The following APMAP variants were observed in gnomAD, a reference collection of about 807,000 sequenced individuals.
APMAP encodes the protein adipocyte plasma membrane-associated protein.
A neutral mutation model predicts 43.6 loss-of-function variants in APMAP; 33 were observed. That is an observed-to-expected ratio of 0.76 (90% confidence interval 0.57 to 1.01). The LOEUF (loss-of-function observed/expected upper bound fraction) is 1.01, where lower values mean the gene tolerates loss of function less well. APMAP is among the 50% of genes least tolerant of loss of function. APMAP has a pLI of 0.00. For synonymous variants in APMAP, 224 were observed against 216.7 expected (o/e 1.03, Z -0.30); for missense variants, 498 against 540.7 (o/e 0.92, Z 0.78).
intron 3 of APMAP, 149 bp downstream of exon 3, chr20:24,978,618 T>C: frequency 1.6e-6 from 1 of 633,936 alleles, no homozygotes; most frequent in Non-Finnish European, 2.8e-6. Context: ...ATGTGATGTC[T>C]GAGGGCCAAG....
intron 4 of APMAP, 69 bp from the exon 5 acceptor site, chr20:24,971,645 A>G (rs1293826639): frequency 7.9e-6 from 10 of 1,266,076 alleles, no homozygotes; most frequent in Admixed American, 5.1e-5. Context: ...TCAGTATCCA[A>G]GCATCTCATC....
intron 5 of APMAP, among the ~76,000 whole-genome samples, chr20:24,971,221 A>C (rs1387159115): frequency 6.6e-6 from 1 of 152,220 alleles, no homozygotes; most frequent in Admixed American, 6.5e-5. Context: ...CCCTGTGGCT[A>C]AAATATAAAT....
At chr20:24,981,574 T>C (rs1274432154) in intron 2 of APMAP, among the ~76,000 whole-genome samples, 1 of 152,208 alleles carries the variant, frequency 6.6e-6, no homozygotes, top group African/African-American at 2.4e-5. Flanking sequence ...GTGCTTCTAT[T>C]TGCTCTTGAT....
intron 8 of APMAP, 143 bp from the exon 9 acceptor site, chr20:24,964,165 C>G: frequency 2.3e-6 from 2 of 873,544 alleles, no homozygotes; most frequent in Non-Finnish European, 3.6e-6. Context: ...CCCCACAGGA[C>G]AGCTAATCCA....
chr20:24,985,565 A>G (rs1749338293), intron 1 of APMAP, among the ~76,000 whole-genome samples: 1 of 152,172 alleles, frequency 6.6e-6, no homozygotes, highest in Non-Finnish European at 1.5e-5. Flanking sequence ...CAGGACACTC[A>G]TTGTGTGGTA....
intron 8 of APMAP, 42 bp downstream of exon 8, chr20:24,968,850 C>A (rs368099564): frequency 2.9e-5 from 44 of 1,532,396 alleles, no homozygotes; most frequent in Non-Finnish European, 3.7e-5. Context: ...TGATTCAATT[C>A]ATTTCCATTT....
At position 24,983,004 on chromosome 20, in the gene APMAP, G is replaced by A. The variant is rs370705925; in HGVS notation, c.212+899C>T. Among the ~76,000 whole-genome samples the A allele has an allele frequency of 3.1e-3, 472 of 152,314 alleles. 4 individuals carry two copies. Among genetic ancestry groups the A allele is most frequent in the African/African-American group, 0.011 (458 of 41,552 alleles). On this transcript the variant is annotated intron_variant, in intron 2 of 8. Coordinates refer to ENST00000217456, the MANE Select transcript of APMAP (RefSeq NM_020531.3). The stretch of plus-strand genomic sequence containing the variant: ...CCTTCACCCATTCTCAATCTTACAT[G>A]AGCAAATTGTGTGTTTACAGCACCT...
intron 4 of APMAP, among the ~76,000 whole-genome samples, chr20:24,972,261 CTTATTGCAGGGTG>C (rs1193454748): frequency 1.4e-5 from 2 of 147,608 alleles, no homozygotes; most frequent in Non-Finnish European, 3.0e-5. Context: ...ACTGCAGGTG[CTTATTGCAGGGTG>C]TTATTGCAGG....
In APMAP at chr20:24,962,985, T is replaced by C. The variant is rs555597122; in HGVS notation, c.*828A>G. The C allele has an allele frequency of 6.6e-6, 1 of 152,332 alleles. No individual in the cohort carries two copies. Among genetic ancestry groups the C allele is most frequent in the South Asian group, 2.1e-4 (1 of 4,830 alleles). 9.4% of individuals were successfully genotyped at this position (152,332 alleles called of 1,614,324 possible). A position where few individuals can be genotyped will look rare whatever the true frequency, so the allele number is the denominator to read the frequency against. On this transcript the variant is annotated 3_prime_UTR_variant, in exon 9 of 9. Coordinates refer to ENST00000217456, the MANE Select transcript of APMAP (RefSeq NM_020531.3). ...TATTATCAAAATCATGACCAGTGTGTAGACATACTTGTGAAAATATACAGC... is the reference window on the plus strand; with the variant it reads ...TATTATCAAAATCATGACCAGTGTGCAGACATACTTGTGAAAATATACAGC...
intron 4 of APMAP, among the ~76,000 whole-genome samples, chr20:24,972,210 CACTGCAGGTGCTT>C (rs1185675625): frequency 7.0e-6 from 1 of 142,078 alleles, no homozygotes; most frequent in Non-Finnish European, 1.5e-5. Flanking sequence ...GTGAGGTACT[CACTGCAGGTGCTT>C]ACTGCAGGGT....
intron 8 of APMAP, among the ~76,000 whole-genome samples, 172 bp from the exon 9 acceptor site, chr20:24,964,194 G>A (rs1162124283): frequency 6.6e-6 from 1 of 152,094 alleles, no homozygotes. Flanking sequence ...TCCCAGCCCA[G>A]GGGCCCCAAA....
chr20:24,985,316 TAAAGACAAAGG>T (rs1301056923), intron 1 of APMAP, among the ~76,000 whole-genome samples: 1 of 152,040 alleles, frequency 6.6e-6, no homozygotes, highest in Non-Finnish European at 1.5e-5. Context: ...TAGGTGGAAA[TAAAGACAAAGG>T]AAAGACTAAG....
chr20:24,979,902 T>A (rs1371971095), intron 2 of APMAP, among the ~76,000 whole-genome samples: 3 of 151,936 alleles, frequency 2.0e-5, no homozygotes, highest in East Asian at 1.9e-4. Context: ...TCACACCAGC[T>A]CTTTGCTCCA....
In APMAP at chr20:24,969,611, G is replaced by C; in HGVS notation, c.763C>G (p.Gln255Glu). The change falls in exon 7 of 9, where the codon CAG becomes GAG. Residue 255 changes from glutamine (Q) to glutamate (E), a missense_variant. By Grantham distance (29) the Gln-to-Glu change is conservative (BLOSUM62 2). Transcript: ENST00000217456. ...VTREVKVLLD[Q>E]LRFPNGVQLS... Reference sequence around the variant, plus strand: ...TGGACTCCATTCGGGAACCGCAGCTGGTCCAATAAAACTTTTACTTCCCTG... The same window carrying C: ...TGGACTCCATTCGGGAACCGCAGCTCGTCCAATAAAACTTTTACTTCCCTG... The C allele has an allele frequency of 6.2e-7, 1 of 1,614,028 alleles. No homozygotes were observed. The highest frequency in any genetic ancestry group is 1.3e-5 in the African/African-American group (1 of 75,042).
chr20:24,977,785 A>C (rs76151957), intron 3 of APMAP, among the ~76,000 whole-genome samples: 1,975 of 152,348 alleles, frequency 0.013, 45 homozygotes, highest in African/African-American at 0.045. Context: ...TCACCAAAAA[A>C]AGCTAAAGCT....
In APMAP at chr20:24,962,991, T is replaced by C. The variant is rs927414231; in HGVS notation, c.*822A>G. ...CAAAATCATGACCAGTGTGTAGACA[T>C]ACTTGTGAAAATATACAGCAACTTG... On this transcript the variant is annotated 3_prime_UTR_variant, in exon 9 of 9. Transcript: ENST00000217456. 1 of 152,246 alleles carries C rather than the reference T, an allele frequency of 6.6e-6. No homozygotes were observed. Among genetic ancestry groups the C allele is most frequent in the Non-Finnish European group, 1.5e-5 (1 of 68,044 alleles). 9.4% of individuals were successfully genotyped at this position (152,246 alleles called of 1,614,324 possible). A position where few individuals can be genotyped will look rare whatever the true frequency, so the allele number is the denominator to read the frequency against.
At chr20:24,983,691 T>C (rs1222037614) in intron 2 of APMAP, among the ~76,000 whole-genome samples, 11 of 152,202 alleles carry the variant, frequency 7.2e-5, no homozygotes, top group Admixed American at 7.2e-4. Flanking sequence ...TGCAGTTTTT[T>C]TAAAACAATG....
chr20:24,983,821 A>G, intron 2 of APMAP, 82 bp downstream of exon 2: 1 of 974,916 alleles, frequency 1.0e-6, no homozygotes, highest in Non-Finnish European at 1.5e-6. Context: ...GATTGATTTA[A>G]TCACCCTCCT....
At chr20:24,982,831 A>ACCCCCCCCCCCCCCC (rs3086643) in intron 2 of APMAP, among the ~76,000 whole-genome samples, 2 of 141,886 alleles carry the variant, frequency 1.4e-5, no homozygotes, top group African/African-American at 2.7e-5. Flanking sequence ...ACATCAGGGG[A>ACCCCCCCCCCCCCCC]CCCCCCCCCG....
Sources: gnomAD v4.1 joint callset for allele counts (sites outside exome capture counted in the v4.1 genomes callset) on GRCh38, gnomAD v4.1.1 for gene constraint, MANE v1.5 for transcripts, NCBI Gene and HGNC (gene_info 2026-07-23, HGNC 2026-07-21) for gene names.